Variants in FGF13 observed in about 807,000 individuals in gnomAD.
FGF13 encodes the protein fibroblast growth factor homologous factor 2.
In FGF13, 2 loss-of-function variants were observed where a neutral mutation model predicts 19.5. The observed-to-expected ratio is 0.10, with a 90% CI of 0.04 to 0.32. FGF13 has a LOEUF of 0.32. Among genes scored for constraint, FGF13 ranks in the 10% least tolerant of loss-of-function variants. FGF13 has a pLI of 1.00. For synonymous variants in FGF13, 72 were observed against 76.9 expected (o/e 0.94, Z 0.33); for missense variants, 113 against 192.7 (o/e 0.59, Z 2.45).
At chrX:139,151,409 A>G (rs1464372779) in intron 1 of FGF13, among the ~76,000 whole-genome samples, 1 of 112,107 alleles carries the variant, frequency 8.9e-6, no homozygotes, top group East Asian at 2.8e-4. Context: ...TCTTCAGTTT[A>G]TATGTTATCA....
Position 138,632,718 on chromosome X carries a change from T to C in FGF13, c.*132A>G, listed in dbSNP as rs1266669307. On this transcript the variant is annotated 3_prime_UTR_variant, in exon 5 of 5. Transcript: ENST00000315930. ...TAAGAAGGTCTAATGGCAGATAGAA[T>C]AGTGAACTCTGCCTGTTTGTTTGGT... 2.4e-5 allele frequency: 16 copies of C among 675,633 alleles called. No individual in the cohort carries two copies. The highest frequency in any genetic ancestry group is 3.1e-5 in the Non-Finnish European group (14 of 455,067). 55.7% of individuals were successfully genotyped at this position (675,633 alleles called of 1,213,427 possible).
chrX:138,935,100 T>C (rs1324479656), intron 1 of FGF13, among the ~76,000 whole-genome samples: 4 of 110,994 alleles, frequency 3.6e-5, no homozygotes, highest in Non-Finnish European at 7.5e-5. Context: ...TCCTGTCCTA[T>C]AGCATCAGAA....
At chrX:138,701,065 T>C (rs2089941455) in intron 3 of FGF13, among the ~76,000 whole-genome samples, 1 of 112,553 alleles carries the variant, frequency 8.9e-6, no homozygotes, top group African/African-American at 3.2e-5. Flanking sequence ...TAAATAATTT[T>C]CCACATTCTT....
chrX:138,874,640 G>A (rs1049008923), intron 1 of FGF13, among the ~76,000 whole-genome samples: 1 of 111,956 alleles, frequency 8.9e-6, no homozygotes, highest in Non-Finnish European at 1.9e-5. Flanking sequence ...TCAAATCTAA[G>A]AAGCAGCAAT....
intron 1 of FGF13, among the ~76,000 whole-genome samples, chrX:138,719,102 A>G (rs1194182181): frequency 8.9e-6 from 1 of 112,469 alleles, no homozygotes; most frequent in African/African-American, 3.2e-5. Flanking sequence ...ACATTTATGT[A>G]TACAAGGCCA....
At chrX:138,851,338 T>G (rs1044109942) in intron 3 of FGF13, among the ~76,000 whole-genome samples, 9 of 112,069 alleles carry the variant, frequency 8.0e-5, no homozygotes, top group African/African-American at 2.6e-4. Context: ...ATGGTTGAAC[T>G]AATTTACATT....
intron 2 of FGF13, among the ~76,000 whole-genome samples, chrX:138,707,044 G>A (rs961346509): frequency 1.1e-4 from 12 of 112,042 alleles, no homozygotes; most frequent in African/African-American, 3.9e-4. Context: ...GAAATGCCAT[G>A]CGTATCAGTC....
intron 1 of FGF13, among the ~76,000 whole-genome samples, chrX:138,906,863 G>A (rs1280966374): frequency 9.0e-6 from 1 of 111,614 alleles, no homozygotes; most frequent in African/African-American, 3.3e-5. Context: ...GCATTGCACT[G>A]AGGCAGGCAC....
intron 1 of FGF13, among the ~76,000 whole-genome samples, chrX:138,729,067 A>T (rs1034060844): frequency 1.8e-5 from 2 of 111,816 alleles, no homozygotes; most frequent in African/African-American, 6.5e-5. Flanking sequence ...GACATAATTT[A>T]CTTCAGTTTC....
intron 3 of FGF13, among the ~76,000 whole-genome samples, chrX:138,673,046 T>C (rs1201905297): frequency 3.6e-5 from 4 of 110,544 alleles, no homozygotes; most frequent in African/African-American, 9.9e-5. Context: ...GGAAGAGTAA[T>C]TGGGTAGAAT....
At chrX:138,754,924 T>G (rs2090422245) in intron 3 of FGF13, among the ~76,000 whole-genome samples, 1 of 111,478 alleles carries the variant, frequency 9.0e-6, no homozygotes, top group South Asian at 3.8e-4. Context: ...GAGCGGACTC[T>G]TGGAAGTCTG....
At chrX:139,109,237 T>C (rs1387218133) in intron 1 of FGF13, among the ~76,000 whole-genome samples, 1 of 111,965 alleles carries the variant, frequency 8.9e-6, no homozygotes, top group Non-Finnish European at 1.9e-5. Context: ...TATTAAAACC[T>C]GTTCCTGTGG....
intron 1 of FGF13, among the ~76,000 whole-genome samples, chrX:139,184,990 G>A (rs1260293754): frequency 2.7e-5 from 3 of 111,401 alleles, no homozygotes; most frequent in South Asian, 3.8e-4. Flanking sequence ...ACATGTAAAC[G>A]ATTTAGTTCT....
chrX:138,682,943 C>A (rs2089744019), intron 3 of FGF13, among the ~76,000 whole-genome samples: 1 of 111,488 alleles, frequency 9.0e-6, no homozygotes, highest in South Asian at 3.8e-4. Flanking sequence ...CATCCAAGCT[C>A]TGGTGATCTG....
intron 3 of FGF13, among the ~76,000 whole-genome samples, chrX:138,847,696 C>T (rs1043661460): frequency 6.2e-5 from 7 of 112,083 alleles, no homozygotes; most frequent in Non-Finnish European, 1.3e-4. Flanking sequence ...TCAGAATCCA[C>T]GTAGTTTAAA....
chrX:138,754,129 G>C lies in FGF13; in HGVS notation c.218-45201C>G, dbSNP rs1168573279. 4.5e-5 allele frequency among the ~76,000 whole-genome samples: 5 copies of C among 111,814 alleles called. No individual in the cohort carries two copies. The East Asian group carries it at 1.4e-3, about 32-fold the overall frequency. ...TCTTAACTGGAATTTTGAGTAGAAG[G>C]CATCTTCTTGTGTTTCTTCTTATCA... On this transcript the variant is annotated intron_variant, in intron 3 of 6. Coordinates refer to the FGF13 transcript ENST00000436198.
intron 1 of FGF13, among the ~76,000 whole-genome samples, chrX:139,048,227 A>C (rs2124410202): frequency 9.0e-6 from 1 of 111,518 alleles, no homozygotes; most frequent in East Asian, 2.8e-4. Flanking sequence ...ATATTGAAAA[A>C]GTCACAGTTT....
At chrX:138,825,642 A>G (rs1456753299) in intron 3 of FGF13, among the ~76,000 whole-genome samples, 3 of 111,736 alleles carry the variant, frequency 2.7e-5, no homozygotes, top group African/African-American at 9.8e-5. Flanking sequence ...GACCTCAGGC[A>G]AGTTACCTTT....
At chrX:139,148,611 A>AT (rs1274404680) in intron 1 of FGF13, among the ~76,000 whole-genome samples, 1 of 109,757 alleles carries the variant, frequency 9.1e-6, no homozygotes, top group African/African-American at 3.3e-5. Context: ...GTTTAAAAAA[A>AT]AAAAAAAAAA....
Sources: gnomAD v4.1 joint callset for allele counts (sites outside exome capture counted in the v4.1 genomes callset) on GRCh38, gnomAD v4.1.1 for gene constraint, MANE v1.5 for transcripts, NCBI Gene and HGNC (gene_info 2026-07-23, HGNC 2026-07-21) for gene names.